Variants in WDR7 observed in about 807,000 individuals in gnomAD.
The protein encoded by WDR7 is WD repeat domain 7.
WDR7 carries 46 observed loss-of-function variants against 169.4 expected under a neutral mutation model. That is an observed-to-expected ratio of 0.27 (90% CI 0.21 to 0.35). The LOEUF is 0.35. WDR7 is among the 10% of genes least tolerant of loss of function. The pLI, the probability that WDR7 is intolerant of heterozygous loss-of-function variation, is 1.00. For synonymous variants in WDR7, 612 were observed against 666.8 expected, an observed-to-expected ratio of 0.92 and a Z score of 1.27; for missense variants, 1,534 against 1,859.3, an observed-to-expected ratio of 0.83 and a Z score of 3.22.
In WDR7 at chr18:56,701,256, A is replaced by T. The variant is rs79850706; in HGVS notation, c.1578+4794A>T. Among the ~76,000 whole-genome samples the T allele has an allele frequency of 2.7e-3, 411 of 152,308 alleles. 3 individuals carry two copies. The East Asian group carries it at 0.036, about 13-fold the overall frequency. On this transcript the variant is annotated intron_variant, in intron 12 of 27. Transcript: ENST00000254442. ...GAGCTTTGGTAAACTACTTGAAAAGACCTGAGAGGTTTGACTAACTACATA... is the reference window on the plus strand; with the variant it reads ...GAGCTTTGGTAAACTACTTGAAAAGTCCTGAGAGGTTTGACTAACTACATA...
At chr18:56,996,038 G>A (rs1271426055) in intron 26 of WDR7, among the ~76,000 whole-genome samples, 1 of 152,156 alleles carries the variant, frequency 6.6e-6, no homozygotes, top group Non-Finnish European at 1.5e-5. Flanking sequence ...AATAATTTGA[G>A]ATGTGCCAAA....
intron 20 of WDR7, among the ~76,000 whole-genome samples, chr18:56,878,507 A>C (rs1324227166): frequency 6.6e-6 from 1 of 152,198 alleles, no homozygotes; most frequent in Non-Finnish European, 1.5e-5. Flanking sequence ...ATATTTGTTA[A>C]ATTAATGGGC....
At chr18:56,758,455 A>G (rs1020699717) in intron 15 of WDR7, among the ~76,000 whole-genome samples, 2 of 152,226 alleles carry the variant, frequency 1.3e-5, no homozygotes, top group African/African-American at 4.8e-5. Context: ...CTGCCTCTAT[A>G]GTCCAAGATT....
intron 16 of WDR7, among the ~76,000 whole-genome samples, chr18:56,767,231 C>T (rs1461503611): frequency 6.6e-6 from 1 of 152,130 alleles, no homozygotes; most frequent in African/African-American, 2.4e-5. Context: ...GATATTTTCC[C>T]CCCAGCTCGA....
chr18:56,937,460 A>G (rs1413063658), intron 23 of WDR7, among the ~76,000 whole-genome samples: 1 of 152,216 alleles, frequency 6.6e-6, no homozygotes, highest in Non-Finnish European at 1.5e-5. Flanking sequence ...GTATTAGAGT[A>G]AAATACTAAA....
At chr18:56,722,656 A>G (rs1254163038) in intron 13 of WDR7, among the ~76,000 whole-genome samples, 5 of 152,088 alleles carry the variant, frequency 3.3e-5, no homozygotes, top group African/African-American at 9.7e-5. Flanking sequence ...AATCTTACAT[A>G]TTTACCTACC....
At chr18:56,994,105 G>A (rs948343165) in intron 26 of WDR7, among the ~76,000 whole-genome samples, 4 of 146,848 alleles carry the variant, frequency 2.7e-5, no homozygotes, top group Non-Finnish European at 5.9e-5. Flanking sequence ...TTGCAGCCTC[G>A]ACCTCCTGGG....
chr18:56,663,233 G>T (rs1253280721), intron 1 of WDR7, among the ~76,000 whole-genome samples: 1 of 152,194 alleles, frequency 6.6e-6, no homozygotes, highest in Admixed American at 6.5e-5. Context: ...CTGGGGGTTA[G>T]GGCTTCAACA....
At chr18:56,710,850 G>A (rs1598981357) in intron 12 of WDR7, among the ~76,000 whole-genome samples, 4 of 152,284 alleles carry the variant, frequency 2.6e-5, no homozygotes, top group South Asian at 4.1e-4. Flanking sequence ...TTACTGCCAA[G>A]CAGTTGGAAC....
At chr18:56,751,921 T>C (rs907160298) in intron 14 of WDR7, among the ~76,000 whole-genome samples, 2 of 152,246 alleles carry the variant, frequency 1.3e-5, no homozygotes, top group Non-Finnish European at 2.9e-5. Flanking sequence ...CATACTTTTA[T>C]CTTCCCTCAT....
At chr18:56,729,540 A>G (rs1364949882) in intron 13 of WDR7, among the ~76,000 whole-genome samples, 8 of 151,966 alleles carry the variant, frequency 5.3e-5, no homozygotes, top group Admixed American at 2.0e-4. Context: ...CTTTTATTCT[A>G]TGTTAATATA....
chr18:56,711,951 G>C (rs1035777605), intron 12 of WDR7, among the ~76,000 whole-genome samples: 3 of 152,108 alleles, frequency 2.0e-5, no homozygotes, highest in African/African-American at 7.2e-5. Flanking sequence ...GTCATTTACA[G>C]CATGTCTAAT....
chr18:57,032,799 TTTTATATATATATATATATA>T (rs1478444122), downstream of WDR7: 2 of 85,486 alleles, frequency 2.3e-5, no homozygotes, highest in Non-Finnish European at 4.6e-5. Flanking sequence ...TGTATAATTA[TTTTATATATATATATATATA>T]TATATATATA....
chr18:56,899,298 T>C (rs1288637020), intron 21 of WDR7, among the ~76,000 whole-genome samples: 1 of 152,070 alleles, frequency 6.6e-6, no homozygotes, highest in Non-Finnish European at 1.5e-5. Context: ...TTTATCCATG[T>C]CCATTAAGCC....
intron 20 of WDR7, among the ~76,000 whole-genome samples, chr18:56,827,400 C>G (rs2045226178): frequency 6.6e-6 from 1 of 152,148 alleles, no homozygotes; most frequent in South Asian, 2.1e-4. Flanking sequence ...TTTACAACAA[C>G]CTAGGTGGAA....
intron 2 of WDR7, among the ~76,000 whole-genome samples, chr18:56,674,910 A>G (rs1042110610): frequency 6.6e-6 from 1 of 152,208 alleles, no homozygotes; most frequent in Non-Finnish European, 1.5e-5. Flanking sequence ...TTATCCTAGC[A>G]CTATTGGTCA....
chr18:56,917,969 T>C (rs2046652301), intron 21 of WDR7, among the ~76,000 whole-genome samples: 1 of 152,226 alleles, frequency 6.6e-6, no homozygotes. Flanking sequence ...ACAGAATTCA[T>C]TTCTCAACAG....
chr18:56,898,189 A>T (rs1323956846), intron 21 of WDR7, among the ~76,000 whole-genome samples: 1 of 152,092 alleles, frequency 6.6e-6, no homozygotes, highest in Non-Finnish European at 1.5e-5. Flanking sequence ...AATTTAGGCA[A>T]CAAAATATGA....
chr18:57,031,136 T>G (rs899543651), downstream of WDR7: 1 of 152,346 alleles, frequency 6.6e-6, no homozygotes, highest in South Asian at 2.1e-4. Flanking sequence ...TGTGCTAACA[T>G]CTCAGAATTT....
Sources: allele counts gnomAD v4.1 joint callset (sites outside exome capture counted in the v4.1 genomes callset), GRCh38; gene constraint gnomAD v4.1.1; transcripts MANE v1.5; gene names NCBI Gene and HGNC (gene_info 2026-07-23, HGNC 2026-07-21).